Variants in CATSPERT observed in about 807,000 individuals in gnomAD.
The protein encoded by CATSPERT is cation channel sperm-associated targeting subunit tau.
chr2:201,571,464 G>C, the CATSPERT span, among the ~76,000 whole-genome samples: 1 of 151,998 alleles, frequency 6.6e-6, no homozygotes, highest in Non-Finnish European at 1.5e-5. Flanking sequence ...AGTTACTTTT[G>C]GTTTGCTAAT....
chr2:201,501,245 A>C, the CATSPERT span, among the ~76,000 whole-genome samples: 3 of 151,808 alleles, frequency 2.0e-5, no homozygotes, highest in Non-Finnish European at 4.4e-5. Context: ...CTAAAAATAC[A>C]AAATTAGCTG....
chr2:201,488,913 C>T, the CATSPERT span, among the ~76,000 whole-genome samples: 1 of 152,296 alleles, frequency 6.6e-6, no homozygotes, highest in East Asian at 1.9e-4. Flanking sequence ...TTAGGGAAGC[C>T]ACAATGAGAT....
chr2:201,575,028 A>T, the CATSPERT span, among the ~76,000 whole-genome samples: 3 of 130,906 alleles, frequency 2.3e-5, no homozygotes, highest in African/African-American at 2.9e-5. Flanking sequence ...CTTTATCACC[A>T]TTTAGCAAAA....
At chr2:201,527,054 C>A in the CATSPERT span, among the ~76,000 whole-genome samples, 1 of 152,148 alleles carries the variant, frequency 6.6e-6, no homozygotes, top group African/African-American at 2.4e-5. Flanking sequence ...TAAACAACGT[C>A]GGCAGTTTCA....
chr2:201,586,437 A>G, the CATSPERT span, among the ~76,000 whole-genome samples: 1 of 152,118 alleles, frequency 6.6e-6, no homozygotes, highest in Non-Finnish European at 1.5e-5. Flanking sequence ...AAACTCAAAT[A>G]TATTATAATT....
the CATSPERT span, among the ~76,000 whole-genome samples, chr2:201,591,597 T>C: frequency 4.6e-5 from 7 of 152,194 alleles, no homozygotes; most frequent in Admixed American, 1.3e-4. Flanking sequence ...TTTCACGATA[T>C]TGATTCTTCC....
chr2:201,606,448 T>A, the CATSPERT span, among the ~76,000 whole-genome samples: 1 of 152,200 alleles, frequency 6.6e-6, no homozygotes, highest in Non-Finnish European at 1.5e-5. Context: ...TCTATTTTTA[T>A]CCAACAAAGT....
chr2:201,563,323 C>T, the CATSPERT span, among the ~76,000 whole-genome samples: 1 of 132,160 alleles, frequency 7.6e-6, no homozygotes, highest in Non-Finnish European at 1.6e-5. Flanking sequence ...GGGGGCTGAC[C>T]CCCCCACCTC....
chr2:201,548,905 T>G, the CATSPERT span, among the ~76,000 whole-genome samples: 2 of 152,100 alleles, frequency 1.3e-5, no homozygotes, highest in Non-Finnish European at 2.9e-5. Flanking sequence ...CTAAAGGGCC[T>G]GGAGCAGTCT....
the CATSPERT span, among the ~76,000 whole-genome samples, chr2:201,577,237 A>G: frequency 1.2e-5 from 1 of 80,040 alleles, no homozygotes; most frequent in Non-Finnish European, 2.5e-5. Context: ...GTATATGCAA[A>G]TATTCCAACA....
chr2:201,545,524 A>T, the CATSPERT span: 1 of 1,410,068 alleles, frequency 7.1e-7, no homozygotes, highest in South Asian at 1.4e-5. Context: ...ATAATAAAAA[A>T]ATCAAAGTAG....
At chr2:201,544,991 T>A in the CATSPERT span, among the ~76,000 whole-genome samples, 1 of 130,014 alleles carries the variant, frequency 7.7e-6, no homozygotes, top group African/African-American at 2.8e-5. Flanking sequence ...AACTAGACCC[T>A]GTCTCAGATA....
chr2:201,552,489 AAAG>A, the CATSPERT span, among the ~76,000 whole-genome samples: 1 of 152,230 alleles, frequency 6.6e-6, no homozygotes, highest in Non-Finnish European at 1.5e-5. Context: ...TTGTTAAAGA[AAAG>A]AAGAAAGAAA....
At chr2:201,516,820 A>C in the CATSPERT span, among the ~76,000 whole-genome samples, 1 of 151,730 alleles carries the variant, frequency 6.6e-6, no homozygotes, top group Non-Finnish European at 1.5e-5. Flanking sequence ...TGGGGCACAG[A>C]TGCTCCAACA....
chr2:201,601,944 T>A, the CATSPERT span: 1 of 1,266,600 alleles, frequency 7.9e-7, no homozygotes, highest in African/African-American at 1.5e-5. Flanking sequence ...TAATACATTA[T>A]AAAATTAATA....
chr2:201,561,731 G>A, the CATSPERT span, among the ~76,000 whole-genome samples: 2,317 of 151,918 alleles, frequency 0.015, 64 homozygotes, highest in African/African-American at 0.053. Context: ...AAAATTAGCC[G>A]GGCATGGTGG....
chr2:201,562,051 GC>G, the CATSPERT span, among the ~76,000 whole-genome samples: 1 of 151,972 alleles, frequency 6.6e-6, no homozygotes, highest in Non-Finnish European at 1.5e-5. Context: ...ACAAATGGCT[GC>G]CATCTTTTTC....
At chr2:201,511,563 A>T in the CATSPERT span, among the ~76,000 whole-genome samples, 117 of 152,150 alleles carry the variant, frequency 7.7e-4, 2 homozygotes, top group South Asian at 0.023. Flanking sequence ...AGTAAAATTA[A>T]TTTCCCCATC....
At chr2:201,588,226 T>C in the CATSPERT span, among the ~76,000 whole-genome samples, 1 of 152,104 alleles carries the variant, frequency 6.6e-6, no homozygotes, top group Non-Finnish European at 1.5e-5. Flanking sequence ...TTGATGAACA[T>C]TGATGCAAAA....
Sources: allele counts gnomAD v4.1 joint callset (sites outside exome capture counted in the v4.1 genomes callset), GRCh38; gene constraint gnomAD v4.1.1; transcripts MANE v1.5; gene names NCBI Gene and HGNC (gene_info 2026-07-23, HGNC 2026-07-21).